The following SLC14A2 variants were observed in gnomAD, a reference collection of about 807,000 sequenced individuals.
SLC14A2 encodes solute carrier family 14 member 2.
Under a neutral mutation model 104.6 loss-of-function variants are expected in SLC14A2, and 91 were observed. The observed-to-expected ratio is 0.87, with a 90% CI of 0.73 to 1.04. The LOEUF (loss-of-function observed/expected upper bound fraction) is 1.04. SLC14A2 is among the 50% of genes least tolerant of loss of function. The probability of loss-of-function intolerance (pLI) is 0.00; values close to 1 mark genes in which losing one functional copy is unlikely to be tolerated. For synonymous variants in SLC14A2, 476 were observed against 466.4 expected (o/e 1.02, Z -0.27); for missense variants, 1,189 against 1,156.0 (o/e 1.03, Z -0.41).
the SLC14A2 span, among the ~76,000 whole-genome samples, chr18:45,187,302 C>T: frequency 1.3e-5 from 2 of 152,116 alleles, no homozygotes; most frequent in African/African-American, 2.4e-5. Context: ...GGAGGCTTCA[C>T]ATTGCCAGGG....
chr18:45,662,264 T>G (rs1051106727), intron 10 of SLC14A2, among the ~76,000 whole-genome samples: 3 of 152,104 alleles, frequency 2.0e-5, no homozygotes, highest in African/African-American at 7.2e-5. Context: ...ATTGTGCCAC[T>G]GCACTCCAGC....
intron 1 of SLC14A2, among the ~76,000 whole-genome samples, chr18:45,327,194 A>C (rs886976601): frequency 1.3e-5 from 2 of 152,062 alleles, no homozygotes; most frequent in Non-Finnish European, 2.9e-5. Flanking sequence ...ACAATTCCCT[A>C]TTATGAGCTA....
intron 1 of SLC14A2, among the ~76,000 whole-genome samples, chr18:45,262,994 A>G (rs1387223680): frequency 1.3e-5 from 2 of 152,236 alleles, no homozygotes; most frequent in African/African-American, 2.4e-5. Context: ...AAATATCAAA[A>G]CTGAGAGATT....
At chr18:45,453,896 G>T (rs191912003) in intron 1 of SLC14A2, among the ~76,000 whole-genome samples, 3 of 121,976 alleles carry the variant, frequency 2.5e-5, no homozygotes, top group African/African-American at 9.5e-5. Flanking sequence ...GTCTCACTCT[G>T]TCACCCAGGC....
chr18:45,459,815 A>G (rs1319815368), intron 1 of SLC14A2, among the ~76,000 whole-genome samples: 2 of 152,206 alleles, frequency 1.3e-5, no homozygotes, highest in Admixed American at 6.5e-5. Flanking sequence ...ATAAGAACCT[A>G]TAAACACGTT....
At chr18:45,460,836 G>C (rs1289561850) in intron 1 of SLC14A2, among the ~76,000 whole-genome samples, 1 of 152,176 alleles carries the variant, frequency 6.6e-6, no homozygotes, top group Non-Finnish European at 1.5e-5. Context: ...GTGTCTTTAA[G>C]ATTTTATTGG....
intron 2 of SLC14A2, among the ~76,000 whole-genome samples, chr18:45,533,825 T>C (rs2043738794): frequency 6.6e-6 from 1 of 152,210 alleles, no homozygotes; most frequent in Non-Finnish European, 1.5e-5. Context: ...TGCTTTCTCT[T>C]GTGGGCATTT....
At chr18:45,600,920 C>T (rs76775760) in intron 2 of SLC14A2, among the ~76,000 whole-genome samples, 5,735 of 152,296 alleles carry the variant, frequency 0.038, 147 homozygotes, top group Non-Finnish European at 0.059. Flanking sequence ...GTCCATGAAG[C>T]CAACCCTGAG....
chr18:45,501,060 A>G (rs2043189895), intron 2 of SLC14A2, among the ~76,000 whole-genome samples: 1 of 152,186 alleles, frequency 6.6e-6, no homozygotes, highest in Non-Finnish European at 1.5e-5. Flanking sequence ...CATTACCTAT[A>G]TTATTTCATT....
intron 1 of SLC14A2, among the ~76,000 whole-genome samples, chr18:45,295,845 T>G (rs1018865714): frequency 2.0e-4 from 31 of 152,172 alleles, no homozygotes; most frequent in Admixed American, 2.0e-3. Context: ...ATCCTGACTT[T>G]AGCTATACGA....
intron 2 of SLC14A2, among the ~76,000 whole-genome samples, chr18:45,512,104 G>A (rs770285295): frequency 1.3e-5 from 2 of 152,144 alleles, no homozygotes; most frequent in African/African-American, 2.4e-5. Context: ...GATGCTATAT[G>A]GGTAAACCAA....
chr18:45,414,143 A>G (rs1233815124), intron 1 of SLC14A2, among the ~76,000 whole-genome samples: 1 of 152,244 alleles, frequency 6.6e-6, no homozygotes, highest in African/African-American at 2.4e-5. Flanking sequence ...GGAGCAAGTC[A>G]GTCTTGGAAA....
chr18:45,205,907 A>G, the SLC14A2 span, among the ~76,000 whole-genome samples: 1 of 152,230 alleles, frequency 6.6e-6, no homozygotes, highest in African/African-American at 2.4e-5. Flanking sequence ...CAGCATGGAA[A>G]GAGGGAGGGG....
At position 45,632,442 on chromosome 18, in the gene SLC14A2, G is replaced by A. The variant is rs1568306320; in HGVS notation, c.614G>A (p.Trp205Ter). The A allele has an allele frequency of 6.2e-7, 1 of 1,614,064 alleles. No homozygotes were observed. The highest frequency in any genetic ancestry group is 8.5e-7 in the Non-Finnish European group (1 of 1,179,982). Residue 205 changes from tryptophan to a stop codon, truncating the protein, a stop_gained, in exon 5 of 20, where the codon TGG (tryptophan) becomes TAG (stop). Coordinates refer to ENST00000255226, the MANE Select transcript of SLC14A2 (RefSeq NM_007163.4). LOFTEE classifies it high-confidence loss of function. Reference protein sequence around the residue: ...VFSEKLDYYWWLLFPVTFTAM... With the variant: ...VFSEKLDYYW ...TCGGAGAAGTTAGACTACTACTGGT[G>A]GCTTCTGTTTCCTGTGACCTTCACA...
At position 45,288,242 on chromosome 18, in the gene SLC14A2, C is replaced by T. The variant is rs188878051; in HGVS notation, c.-125+75051C>T. ...CTGATAGGTTTACAAGGGTTCATCA[C>T]CAAAAACTCAAGCAAACCTCATATC... On this transcript the variant is annotated intron_variant, in intron 1 of 20. Transcript: ENST00000586448. Among the ~76,000 whole-genome samples, 254 of 152,292 alleles carry T rather than the reference C, an allele frequency of 1.7e-3. No individual in the cohort carries two copies. In the Middle Eastern group the frequency reaches 0.017, roughly 10 times the overall value.
chr18:45,625,212 G>C (rs1223327478), intron 2 of SLC14A2, among the ~76,000 whole-genome samples: 1 of 152,184 alleles, frequency 6.6e-6, no homozygotes, highest in African/African-American at 2.4e-5. Context: ...AGACTGCTGG[G>C]ATGGCCTTCC....
At position 45,256,548 on chromosome 18, in the gene SLC14A2, A is replaced by G. The variant is rs548978198; in HGVS notation, c.-125+43357A>G. ...ATTCCCTCTTAGCTAATCCTGTGCT[A>G]AGGAACAGTTAAACTCAATTCGGTG... On this transcript the variant is annotated intron_variant, in intron 1 of 20. Transcript: ENST00000586448. Among the ~76,000 whole-genome samples, 32 of 152,338 alleles carry G rather than the reference A, an allele frequency of 2.1e-4. 1 individual carries two copies. The highest frequency in any genetic ancestry group is 9.8e-4 in the Admixed American group (15 of 15,312).
chr18:45,656,480 G>A (rs149715650), intron 10 of SLC14A2, among the ~76,000 whole-genome samples: 1 of 152,226 alleles, frequency 6.6e-6, no homozygotes, highest in Non-Finnish European at 1.5e-5. Flanking sequence ...TTGAGTAAGA[G>A]AGTGACATAA....
intron 2 of SLC14A2, among the ~76,000 whole-genome samples, chr18:45,491,856 C>A (rs771507807): frequency 2.6e-5 from 4 of 152,208 alleles, no homozygotes; most frequent in Admixed American, 6.5e-5. Context: ...CACCAAGGAC[C>A]ACTGGGGTCC....
Sources: allele counts gnomAD v4.1 joint callset (sites outside exome capture counted in the v4.1 genomes callset), GRCh38; gene constraint gnomAD v4.1.1; transcripts MANE v1.5; gene names NCBI Gene and HGNC (gene_info 2026-07-23, HGNC 2026-07-21).